Variants in TNR observed in about 807,000 individuals in gnomAD.
The protein encoded by TNR is tenascin-R.
In TNR, 45 loss-of-function variants were observed where a neutral mutation model predicts 150.4. The ratio of observed to expected loss-of-function variants is 0.30; its 90% CI spans 0.24 to 0.38. The LOEUF (loss-of-function observed/expected upper bound fraction) is 0.38, where lower values mean the gene tolerates loss of function less well. TNR is among the 10% of genes least tolerant of loss of function. The probability of loss-of-function intolerance (pLI) is 1.00; values close to 1 mark genes in which losing one functional copy is unlikely to be tolerated. For synonymous variants in TNR, 687 were observed against 678.4 expected, an observed-to-expected ratio of 1.01 and a Z score of -0.20; for missense variants, 1,544 against 1,759.1, an observed-to-expected ratio of 0.88 and a Z score of 2.19.
intron 2 of TNR, among the ~76,000 whole-genome samples, chr1:175,460,656 C>T (rs1292016805): frequency 1.3e-5 from 2 of 152,184 alleles, no homozygotes; most frequent in African/African-American, 4.8e-5. Flanking sequence ...ATTGTTACTC[C>T]ATCTCATAGA....
At chr1:175,601,965 G>T (rs920265648) in intron 1 of TNR, among the ~76,000 whole-genome samples, 1 of 152,048 alleles carries the variant, frequency 6.6e-6, no homozygotes, top group Non-Finnish European at 1.5e-5. Context: ...GGACACACTT[G>T]GCCCCACTGT....
rs1008789936 is a variant in TNR, at chr1:175,602,236, C to T, written c.-164-73867G>A. Among the ~76,000 whole-genome samples the T allele has an allele frequency of 5.3e-4, 69 of 130,510 alleles. 1 individual carries two copies. Among genetic ancestry groups the T allele is most frequent in the East Asian group, 4.8e-4 (2 of 4,136 alleles). 85.6% of individuals were successfully genotyped at this position (130,510 alleles called of 152,430 possible). Reference sequence around the variant, plus strand: ...AAAAAAAAAAAAAAAAAAAAAATAGCGTTCCTGTAATTGTCAAAAGGACAT... The same window carrying T: ...AAAAAAAAAAAAAAAAAAAAAATAGTGTTCCTGTAATTGTCAAAAGGACAT... On this transcript the variant is annotated intron_variant, in intron 1 of 22. Coordinates refer to ENST00000367674, the MANE Select transcript of TNR (RefSeq NM_003285.3).
intron 2 of TNR, among the ~76,000 whole-genome samples, chr1:175,463,097 C>T (rs1296801285): frequency 6.6e-6 from 1 of 152,144 alleles, no homozygotes; most frequent in Non-Finnish European, 1.5e-5. Context: ...CTCTGAATCG[C>T]ACTGGAGAAT....
intron 2 of TNR, among the ~76,000 whole-genome samples, chr1:175,472,176 G>T (rs944804139): frequency 1.3e-5 from 2 of 152,020 alleles, no homozygotes; most frequent in Non-Finnish European, 2.9e-5. Context: ...ACACAGATTA[G>T]CCTATGTCTA....
At chr1:175,382,759 G>T (rs1299338907) in intron 8 of TNR, among the ~76,000 whole-genome samples, 2 of 152,118 alleles carry the variant, frequency 1.3e-5, no homozygotes, top group African/African-American at 4.8e-5. Flanking sequence ...AAGTAGCTGG[G>T]CATGGTGGCA....
chr1:175,486,782 T>G (rs1658037628), intron 2 of TNR, among the ~76,000 whole-genome samples: 1 of 152,230 alleles, frequency 6.6e-6, no homozygotes, highest in Non-Finnish European at 1.5e-5. Context: ...ATCTCCAGCA[T>G]CTGTTGTTTC....
At chr1:175,742,779 C>A (rs1008601792) in intron 1 of TNR, among the ~76,000 whole-genome samples, 1 of 152,164 alleles carries the variant, frequency 6.6e-6, no homozygotes, top group Admixed American at 6.5e-5. Flanking sequence ...CCACTCCCAA[C>A]CCCCCAGGCT....
intron 1 of TNR, among the ~76,000 whole-genome samples, chr1:175,725,769 G>A (rs1375473008): frequency 2.0e-5 from 3 of 152,222 alleles, no homozygotes; most frequent in African/African-American, 7.2e-5. Context: ...AAAGTCAACA[G>A]AACTTGGCGA....
At chr1:175,651,562 T>C (rs1263302647) in intron 1 of TNR, among the ~76,000 whole-genome samples, 3 of 151,964 alleles carry the variant, frequency 2.0e-5, no homozygotes, top group Non-Finnish European at 4.4e-5. Context: ...ATATTATTAT[T>C]ACAGATATTA....
chr1:175,592,890 C>T (rs1046116032), intron 1 of TNR, among the ~76,000 whole-genome samples: 2 of 152,180 alleles, frequency 1.3e-5, no homozygotes, highest in African/African-American at 4.8e-5. Context: ...TCATTAATGG[C>T]CAAGCAAGAA....
Position 175,690,649 on chromosome 1 carries a change from C to T in TNR, c.-165+52577G>A, listed in dbSNP as rs115742125. 8.3e-3 allele frequency among the ~76,000 whole-genome samples: 1,265 copies of T among 152,308 alleles called. 11 individuals carry two copies. The highest frequency in any genetic ancestry group is 0.013 in the Non-Finnish European group (912 of 68,034). ...GGACTGGATCCTCTTGGCTTAAGTG[C>T]CAGGGGGAGCCATTTGGGTTTAAGT... On this transcript the variant is annotated intron_variant, in intron 1 of 22. Coordinates refer to ENST00000367674, the MANE Select transcript of TNR (RefSeq NM_003285.3).
intron 1 of TNR, among the ~76,000 whole-genome samples, chr1:175,708,012 G>GTCTGTT (rs1193499513): frequency 1.5e-4 from 17 of 113,690 alleles, no homozygotes; most frequent in African/African-American, 5.6e-4. Context: ...AGAGCCATGT[G>GTCTGTT]TGTGTTTGTG....
At chr1:175,437,588 A>G (rs976481871) in intron 2 of TNR, among the ~76,000 whole-genome samples, 1 of 152,242 alleles carries the variant, frequency 6.6e-6, no homozygotes, top group Non-Finnish European at 1.5e-5. Flanking sequence ...TGAATTCAGG[A>G]GCTGGTTTTT....
chr1:175,590,213 T>C (rs1380388216), intron 1 of TNR, among the ~76,000 whole-genome samples: 1 of 152,204 alleles, frequency 6.6e-6, no homozygotes, highest in African/African-American at 2.4e-5. Flanking sequence ...ATGATAGATA[T>C]ATTTGCTTAC....
At chr1:175,352,348 T>C (rs1014474069) in intron 18 of TNR, among the ~76,000 whole-genome samples, 4 of 152,194 alleles carry the variant, frequency 2.6e-5, no homozygotes, top group Admixed American at 1.3e-4. Flanking sequence ...GGGGATAAAA[T>C]GATTAATTTA....
chr1:175,443,997 T>G (rs943361722), intron 2 of TNR, among the ~76,000 whole-genome samples: 1 of 152,100 alleles, frequency 6.6e-6, no homozygotes, highest in African/African-American at 2.4e-5. Context: ...TAAAACTGTG[T>G]TTATGGGAGA....
chr1:175,352,215 G>A (rs920116647), intron 18 of TNR, among the ~76,000 whole-genome samples: 1 of 152,158 alleles, frequency 6.6e-6, no homozygotes, highest in South Asian at 2.1e-4. Flanking sequence ...AGGCACAGCT[G>A]TAAGATGCCA....
intron 18 of TNR, among the ~76,000 whole-genome samples, chr1:175,350,116 T>C (rs892774831): frequency 4.6e-5 from 7 of 152,222 alleles, no homozygotes; most frequent in African/African-American, 1.7e-4. Context: ...CTTCATTAAT[T>C]TTCACAACCT....
chr1:175,493,280 G>A (rs913885373), intron 2 of TNR, among the ~76,000 whole-genome samples: 2 of 152,182 alleles, frequency 1.3e-5, no homozygotes, highest in Non-Finnish European at 2.9e-5. Flanking sequence ...CCCAGAAAAG[G>A]AGAAAGGTGA....
Sources: gnomAD v4.1 joint callset for allele counts (sites outside exome capture counted in the v4.1 genomes callset) on GRCh38, gnomAD v4.1.1 for gene constraint, MANE v1.5 for transcripts, NCBI Gene and HGNC (gene_info 2026-07-23, HGNC 2026-07-21) for gene names.